The following CMYA5 variants were observed in gnomAD, a reference collection of about 807,000 sequenced individuals.
CMYA5 encodes the protein cardiomyopathy associated 5, also known as cardiomyopathy-associated protein 5.
In CMYA5, 246 loss-of-function variants were observed where a neutral mutation model predicts 318.9. The observed-to-expected ratio is 0.77, with a 90% CI of 0.70 to 0.86. The LOEUF (loss-of-function observed/expected upper bound fraction) is 0.86. Among genes scored for constraint, CMYA5 ranks in the 40% least tolerant of loss-of-function variants. The pLI is 0.00. For missense variants in CMYA5, 4,589 were observed against 4,678.2 expected, an observed-to-expected ratio of 0.98 and a Z score of 0.56; for synonymous variants, 1,641 against 1,729.5, an observed-to-expected ratio of 0.95 and a Z score of 1.27.
chr5:79,790,774 C>G (rs1580808920), intron 10 of CMYA5, among the ~76,000 whole-genome samples, 196 bp from the exon 11 acceptor site: 1 of 152,160 alleles, frequency 6.6e-6, no homozygotes, highest in East Asian at 1.9e-4. Context: ...CCTATGGCAC[C>G]ACGTAGAGGT....
intron 1 of CMYA5, among the ~76,000 whole-genome samples, chr5:79,719,281 A>T (rs1055542833): frequency 6.6e-6 from 1 of 152,336 alleles, no homozygotes; most frequent in East Asian, 1.9e-4. Flanking sequence ...GAGAAATATT[A>T]TAAAACCACA....
chr5:79,732,952 T>G lies in CMYA5; in HGVS notation c.4187T>G (p.Leu1396Ter), dbSNP rs747008784. 7 of 1,613,600 alleles carry G rather than the reference T, an allele frequency of 4.3e-6. No homozygotes were observed. The East Asian group carries it at 1.3e-4, about 31-fold the overall frequency. Residue 1396 changes from leucine (L) to a stop codon, truncating the protein, a stop_gained, in exon 2 of 13, where the codon TTA (leucine) becomes TGA (stop). Coordinates refer to ENST00000446378, the MANE Select transcript of CMYA5 (RefSeq NM_153610.5). LOFTEE classifies it high-confidence loss of function. ...PVLTKVGKGE[L>*]GSGLPPLVTS... Reference sequence around the variant, plus strand: ...TTAACAAAAGTAGGAAAGGGTGAATTAGGAAGTGGTTTGCCACCACTGGTA... The same window carrying G: ...TTAACAAAAGTAGGAAAGGGTGAATGAGGAAGTGGTTTGCCACCACTGGTA...
intron 4 of CMYA5, 49 bp from the exon 5 acceptor site, chr5:79,747,042 C>T (rs1329020499): frequency 9.2e-7 from 1 of 1,083,074 alleles, no homozygotes; most frequent in Non-Finnish European, 1.4e-6. Context: ...CTCTTTCTCT[C>T]TCTCTTTTTC....
At chr5:79,790,934 G>A in intron 10 of CMYA5, 36 bp from the exon 11 acceptor site, 1 of 1,427,360 alleles carries the variant, frequency 7.0e-7, no homozygotes, top group South Asian at 1.2e-5. Flanking sequence ...TGGTCCTTGT[G>A]GCAATGTTTT....
At chr5:79,792,632 G>T (rs980873442) in intron 11 of CMYA5, among the ~76,000 whole-genome samples, 2 of 152,162 alleles carry the variant, frequency 1.3e-5, no homozygotes, top group African/African-American at 4.8e-5. Context: ...CTGTTAAAGG[G>T]GAGAGGGAGA....
At chr5:79,796,178 A>G (rs1377158103) in intron 12 of CMYA5, among the ~76,000 whole-genome samples, 1 of 152,152 alleles carries the variant, frequency 6.6e-6, no homozygotes, top group Non-Finnish European at 1.5e-5. Flanking sequence ...GAAATGACAC[A>G]TTTAGGCATT....
intron 9 of CMYA5, among the ~76,000 whole-genome samples, chr5:79,784,617 G>C (rs375462760): frequency 2.3e-5 from 2 of 87,272 alleles, no homozygotes; most frequent in East Asian, 3.1e-4. Context: ...ATATAGTCTC[G>C]TGGTGCGCCG....
rs1421924492 is a variant in CMYA5 at position 79,730,346 on chromosome 5, A to G, written c.1581A>G (p.Val527=). ...ITPEPEDSNL[V]EEEIVELDYP... is the part of the protein sequence containing the mutation. ...CTGAACCTGAAGATTCTAATTTAGT[A>G]GAAGAAGAGATCGTAGAACTTGATT... The change falls in exon 2 of 13, where the codon GTA becomes GTG. Residue 527 remains valine (V), a synonymous_variant. Coordinates refer to ENST00000446378, the MANE Select transcript of CMYA5 (RefSeq NM_153610.5). 3.1e-6 allele frequency: 5 copies of G among 1,612,256 alleles called. No individual in the cohort carries two copies. The highest frequency in any genetic ancestry group is 4.2e-6 in the Non-Finnish European group (5 of 1,178,404).
rs768155847 is a variant in CMYA5, at chr5:79,731,815, A to C, written c.3050A>C (p.Glu1017Ala). The C allele has an allele frequency of 7.4e-6, 12 of 1,612,890 alleles. No individual in the cohort carries two copies. In the East Asian group the frequency reaches 8.9e-5, roughly 12 times the overall value. The change falls in exon 2 of 13, where the codon GAG (glutamate) becomes GCG (alanine). Residue 1017 changes from glutamate (E) to alanine (A), a missense_variant. Glu to Ala is a moderately radical substitution (Grantham distance 107, BLOSUM62 -1). This residue lies in a region of CMYA5 where 2,132 missense variants were observed against 2,131.3 expected (regional missense o/e 1.00). Transcript: ENST00000446378. ...SIPPFRISET[E>A]KNELEPDSLL... ...CCTCCCTTTAGAATCTCAGAAACAG[A>C]GAAAAATGAACTTGAGCCTGATTCA...
At chr5:79,744,811 T>C (rs538560554) in intron 3 of CMYA5, among the ~76,000 whole-genome samples, 7 of 152,220 alleles carry the variant, frequency 4.6e-5, no homozygotes, top group Non-Finnish European at 5.9e-5. Context: ...TTTGGGGAGG[T>C]AGCCCCCATT....
At position 79,745,337 on chromosome 5, in the gene CMYA5, A is replaced by AGAT; in HGVS notation, c.10852_10854dup (p.Met3618dup). 4 of 1,613,758 alleles carry AGAT rather than the reference A, an allele frequency of 2.5e-6. No individual in the cohort carries two copies. Among genetic ancestry groups the AGAT allele is most frequent in the Non-Finnish European group, 3.4e-6 (4 of 1,179,702 alleles). On this transcript the variant is annotated inframe_insertion, in exon 4 of 13. Coordinates refer to ENST00000446378, the MANE Select transcript of CMYA5 (RefSeq NM_153610.5). ...AGCTTTGAGGAAGTGAAGAAGAAGA[A>AGAT]GATGGAGTTCCTGCATGAGCAGATG...
At chr5:79,754,951 G>A (rs1828499256) in intron 6 of CMYA5, among the ~76,000 whole-genome samples, 1 of 152,122 alleles carries the variant, frequency 6.6e-6, no homozygotes, top group Non-Finnish European at 1.5e-5. Flanking sequence ...TGACTGGTTT[G>A]TTTAACTTAG....
intron 1 of CMYA5, among the ~76,000 whole-genome samples, chr5:79,724,293 A>G (rs1827704980): frequency 6.6e-6 from 1 of 152,206 alleles, no homozygotes; most frequent in East Asian, 1.9e-4. Context: ...CATAAACTCC[A>G]GCCTGGGCAA....
intron 5 of CMYA5, among the ~76,000 whole-genome samples, chr5:79,750,170 G>A (rs1352092417): frequency 6.6e-6 from 1 of 152,150 alleles, no homozygotes; most frequent in Non-Finnish European, 1.5e-5. Flanking sequence ...CTTTTCAGTA[G>A]ATTGAGGTCT....
At chr5:79,717,626 A>G (rs1479106309) in intron 1 of CMYA5, among the ~76,000 whole-genome samples, 1 of 152,204 alleles carries the variant, frequency 6.6e-6, no homozygotes, top group Non-Finnish European at 1.5e-5. Flanking sequence ...TGGATTATAG[A>G]GTTAATGAAT....
rs1439148413 is a variant in CMYA5 at position 79,737,567 on chromosome 5, C to T, written c.8802C>T (p.Ala2934=). ...GEDFTVTSKP[A]GLSEDQKTAF... Reference sequence around the variant, plus strand: ...ACTTTACAGTGACTAGTAAGCCAGCCGGACTTTCAGAAGATCAGAAGACTG... The same window carrying T: ...ACTTTACAGTGACTAGTAAGCCAGCTGGACTTTCAGAAGATCAGAAGACTG... Residue 2934 remains alanine, a synonymous_variant, in exon 2 of 13, where the codon GCC becomes GCT. Coordinates refer to ENST00000446378, the MANE Select transcript of CMYA5 (RefSeq NM_153610.5). 11 of 1,613,472 alleles carry T rather than the reference C, an allele frequency of 6.8e-6. No homozygotes were observed. Among genetic ancestry groups the T allele is most frequent in the South Asian group, 4.4e-5 (4 of 91,010 alleles).
Position 79,729,243 on chromosome 5 carries a change from G to A in CMYA5, c.478G>A (p.Asp160Asn). ...NRKRNSFESQ[D>N]VPTNKKGSPL... ...AAAAAGAAATTCTTTTGAATCCCAA[G>A]ATGTTCCAACAAACAAAAAAGGCAG... The change falls in exon 2 of 13, where the codon GAT (aspartate) becomes AAT (asparagine). Residue 160 changes from aspartate to asparagine, a missense_variant. Physicochemically the swap from Asp to Asn is conservative, Grantham distance 23. This residue lies in a region of CMYA5 where 2,132 missense variants were observed against 2,131.3 expected (regional missense o/e 1.00). Coordinates refer to ENST00000446378, the MANE Select transcript of CMYA5 (RefSeq NM_153610.5). The A allele has an allele frequency of 6.2e-7, 1 of 1,612,592 alleles. No individual in the cohort carries two copies. The highest frequency in any genetic ancestry group is 8.5e-7 in the Non-Finnish European group (1 of 1,179,560).
chr5:79,741,002 A>G (rs981631834), intron 2 of CMYA5, among the ~76,000 whole-genome samples: 1 of 152,002 alleles, frequency 6.6e-6, no homozygotes, highest in Admixed American at 6.6e-5. Context: ...CCAAGCCCCA[A>G]GTAGCTGGGA....
intron 1 of CMYA5, among the ~76,000 whole-genome samples, chr5:79,708,731 G>A (rs1827322602): frequency 4.6e-5 from 7 of 151,350 alleles, no homozygotes; most frequent in Admixed American, 4.6e-4. Context: ...ACAGGAGTTC[G>A]ACATTAGCCT....
Sources: allele counts gnomAD v4.1 joint callset (sites outside exome capture counted in the v4.1 genomes callset), GRCh38; gene constraint gnomAD v4.1.1; regional missense constraint gnomAD v4.1.1; transcripts MANE v1.5; gene names NCBI Gene and HGNC (gene_info 2026-07-23, HGNC 2026-07-21).